Variants in PCDH11X observed in about 807,000 individuals in gnomAD.
PCDH11X encodes protocadherin-11 X-linked.
Under a neutral mutation model 53.3 loss-of-function variants are expected in PCDH11X, and 18 were observed. That is an observed-to-expected ratio of 0.34 (90% confidence interval 0.23 to 0.50). PCDH11X has a LOEUF of 0.50. Ranked by LOEUF, PCDH11X falls within the 20% of genes least tolerant of loss-of-function variation. The pLI is 0.98. For synonymous variants in PCDH11X, 279 were observed against 393.3 expected (o/e 0.71, Z 3.44); for missense variants, 570 against 1,032.4 (o/e 0.55, Z 6.14).
At chrX:92,284,862 T>C (rs2068327993) in intron 8 of PCDH11X, among the ~76,000 whole-genome samples, 1 of 111,885 alleles carries the variant, frequency 8.9e-6, no homozygotes, top group South Asian at 3.7e-4. Context: ...CATTATATTA[T>C]CACATATGGG....
At chrX:92,214,350 C>A (rs2066647128) in intron 7 of PCDH11X, among the ~76,000 whole-genome samples, 1 of 111,785 alleles carries the variant, frequency 8.9e-6, no homozygotes, top group African/African-American at 3.3e-5. Context: ...ATCATGTGAT[C>A]AATGATGATA....
intron 4 of PCDH11X, among the ~76,000 whole-genome samples, chrX:91,825,808 A>C (rs972359607): frequency 1.6e-4 from 17 of 107,175 alleles, no homozygotes; most frequent in Non-Finnish European, 2.8e-4. Flanking sequence ...GGAATGATTC[A>C]TTTGCTTTGA....
chrX:92,243,438 G>A (rs2067296610), intron 7 of PCDH11X, among the ~76,000 whole-genome samples: 1 of 110,420 alleles, frequency 9.1e-6, no homozygotes, highest in African/African-American at 3.3e-5. Context: ...TTTCTGGGTG[G>A]TCTACTTTGT....
intron 9 of PCDH11X, among the ~76,000 whole-genome samples, chrX:92,399,037 T>TA (rs1040583570): frequency 9.3e-6 from 1 of 107,165 alleles, no homozygotes; most frequent in East Asian, 3.0e-4. Flanking sequence ...ACTAAAAATA[T>TA]AAAAAATTAG....
At chrX:92,571,613 G>A (rs1922218501) in intron 10 of PCDH11X, among the ~76,000 whole-genome samples, 1 of 107,613 alleles carries the variant, frequency 9.3e-6, no homozygotes, top group African/African-American at 3.4e-5. Context: ...CTTACTTGAA[G>A]TCCCAGATAC....
intron 6 of PCDH11X, among the ~76,000 whole-genome samples, chrX:92,090,086 C>A (rs1330423102): frequency 2.7e-5 from 3 of 110,882 alleles, no homozygotes; most frequent in African/African-American, 6.5e-5. Flanking sequence ...ATACCTACTT[C>A]ATTTAACTTT....
At chrX:92,123,991 C>G (rs1422873427) in intron 6 of PCDH11X, among the ~76,000 whole-genome samples, 2 of 110,796 alleles carry the variant, frequency 1.8e-5, no homozygotes, top group African/African-American at 6.6e-5. Context: ...GCTGTCTTGC[C>G]TCTGTGTCTT....
rs1926751498 is a variant in PCDH11X, at chrX:92,606,019, G to T, written c.3368-12245G>T. On this transcript the variant is annotated intron_variant, in intron 10 of 10. Transcript: ENST00000682573. ...GACCGAGGCGGGCGGATCACCTGAG[G>T]TTGGGAGTTCGAGACCACCCTGACC... Among the ~76,000 whole-genome samples the T allele has an allele frequency of 3.6e-5, 4 of 110,063 alleles. No individual in the cohort carries two copies. In the South Asian group the frequency reaches 1.6e-3, roughly 43 times the overall value.
intron 4 of PCDH11X, among the ~76,000 whole-genome samples, chrX:91,825,123 T>C (rs952516030): frequency 1.8e-5 from 2 of 110,790 alleles, no homozygotes; most frequent in Non-Finnish European, 3.8e-5. Flanking sequence ...TACTGCTGTC[T>C]TTTTGTTTGT....
intron 6 of PCDH11X, among the ~76,000 whole-genome samples, chrX:91,893,869 G>A (rs1467780272): frequency 9.0e-6 from 1 of 111,013 alleles, no homozygotes; most frequent in African/African-American, 3.3e-5. Flanking sequence ...GAACTTCTTG[G>A]CACTTACATT....
intron 5 of PCDH11X, among the ~76,000 whole-genome samples, chrX:91,856,771 G>A (rs1480813509): frequency 9.0e-6 from 1 of 110,888 alleles, no homozygotes; most frequent in East Asian, 2.9e-4. Context: ...TTACTGCAAA[G>A]GACATGATCT....
intron 6 of PCDH11X, among the ~76,000 whole-genome samples, chrX:92,128,460 C>T (rs763630556): frequency 3.7e-5 from 4 of 107,220 alleles, no homozygotes; most frequent in South Asian, 4.3e-4. Flanking sequence ...TCCAATGACA[C>T]GATCTCGGCT....
chrX:92,053,034 G>A (rs1413110370), intron 6 of PCDH11X, among the ~76,000 whole-genome samples: 1 of 111,825 alleles, frequency 8.9e-6, no homozygotes, highest in Non-Finnish European at 1.9e-5. Context: ...AATGTTCATT[G>A]AATGTAAAAC....
At chrX:92,285,820 A>G (rs1018687692) in intron 8 of PCDH11X, among the ~76,000 whole-genome samples, 1 of 111,434 alleles carries the variant, frequency 9.0e-6, no homozygotes, top group African/African-American at 3.3e-5. Flanking sequence ...CAGGGGGCTG[A>G]CAGCCAGGAA....
At chrX:92,331,076 T>C (rs1432014587) in intron 8 of PCDH11X, among the ~76,000 whole-genome samples, 1 of 103,867 alleles carries the variant, frequency 9.6e-6, no homozygotes, top group African/African-American at 3.5e-5. Flanking sequence ...TGTATGTTAA[T>C]TAAAACTTAA....
chrX:92,517,747 C>G (rs2074294346), intron 10 of PCDH11X, among the ~76,000 whole-genome samples: 1 of 110,402 alleles, frequency 9.1e-6, no homozygotes, highest in African/African-American at 3.3e-5. Context: ...AAGTAGGCTT[C>G]CCCTTCCATC....
intron 6 of PCDH11X, among the ~76,000 whole-genome samples, chrX:92,030,110 G>A (rs1309074034): frequency 9.0e-6 from 1 of 111,226 alleles, no homozygotes. Flanking sequence ...CTACAGGCAC[G>A]TGCCACCATG....
chrX:92,041,859 C>T (rs1232423055), intron 6 of PCDH11X, among the ~76,000 whole-genome samples: 1 of 111,474 alleles, frequency 9.0e-6, no homozygotes, highest in East Asian at 2.8e-4. Flanking sequence ...ATCCCAGCTA[C>T]TCAGGGGGCT....
At chrX:92,448,759 A>G (rs1471980879) in intron 9 of PCDH11X, among the ~76,000 whole-genome samples, 3 of 110,503 alleles carry the variant, frequency 2.7e-5, no homozygotes, top group Non-Finnish European at 5.7e-5. Flanking sequence ...ACTCTTTACA[A>G]TTCGAGAATT....
Sources: gnomAD v4.1 joint callset for allele counts (sites outside exome capture counted in the v4.1 genomes callset) on GRCh38, gnomAD v4.1.1 for gene constraint, MANE v1.5 for transcripts, NCBI Gene and HGNC (gene_info 2026-07-23, HGNC 2026-07-21) for gene names.